Variants in OR5H14 observed in about 807,000 individuals in gnomAD.
OR5H14 encodes the protein olfactory receptor family 5 subfamily H member 14.
For missense variants in OR5H14, 392 were observed against 363.9 expected, an observed-to-expected ratio of 1.08 and a Z score of -0.63; for synonymous variants, 155 against 130.6, an observed-to-expected ratio of 1.19 and a Z score of -1.28.
chr3:98,149,285 A>G (rs1326351632), intron 1 of OR5H14, 83 bp from the exon 2 acceptor site: 3 of 1,401,862 alleles, frequency 2.1e-6, no homozygotes, highest in African/African-American at 1.4e-5. Context: ...ATAATTGCAC[A>G]CTTTATATCA....
In OR5H14 at chr3:98,156,488, T is replaced by C. The variant is rs559069072; in HGVS notation, c.*6170T>C. On this transcript the variant is annotated 3_prime_UTR_variant, in exon 2 of 2. Coordinates refer to ENST00000641380, the MANE Select transcript of OR5H14 (RefSeq NM_001005514.2). ...ATAAGTTTTTAATGATAATTCATTA[T>C]CTTGTTAACCTGACTATAATGATGT... is the stretch of plus-strand genomic sequence containing the variant. 6.6e-6 allele frequency: 1 copy of C among 152,270 alleles called. No individual in the cohort carries two copies. The highest frequency in any genetic ancestry group is 2.1e-4 in the South Asian group (1 of 4,832). 9.4% of individuals were successfully genotyped at this position (152,270 alleles called of 1,614,324 possible). A position where few individuals can be genotyped will look rare whatever the true frequency, so the allele number is the denominator to read the frequency against.
intron 1 of OR5H14, 153 bp from the exon 2 acceptor site, chr3:98,149,215 T>A (rs1304316250): frequency 2.1e-5 from 18 of 839,738 alleles, no homozygotes; most frequent in Non-Finnish European, 3.0e-5. Context: ...ATTTTTTTCA[T>A]TTCTTTAACC....
Position 98,150,275 on chromosome 3 carries a change from T to C in OR5H14, c.890T>C (p.Val297Ala), listed in dbSNP as rs755738928. ...ATCTACAGCCTGAGAAACAAGCAAGTAATAGCTTCATTCACAAAAATGTTC... is the reference window on the plus strand; with the variant it reads ...ATCTACAGCCTGAGAAACAAGCAAGCAATAGCTTCATTCACAAAAATGTTC... ...PMIYSLRNKQ[V>A]IASFTKMFKR... Residue 297 changes from valine to alanine, a missense_variant, in exon 2 of 2, where the codon GTA (valine) becomes GCA (alanine). Transcript: ENST00000641380. 1 of 1,593,434 alleles carries C rather than the reference T, an allele frequency of 6.3e-7. No individual in the cohort carries two copies.
Position 98,150,997 on chromosome 3 carries a change from G to C in OR5H14, c.*679G>C, listed in dbSNP as rs1708499866. The C allele has an allele frequency of 1.3e-5, 2 of 152,092 alleles. No individual in the cohort carries two copies. The highest frequency in any genetic ancestry group is 2.9e-5 in the Non-Finnish European group (2 of 68,026). The allele number at this position is 152,092 out of a possible 1,614,324, so 9.4% of individuals were successfully genotyped here. On this transcript the variant is annotated 3_prime_UTR_variant, in exon 2 of 2. Transcript: ENST00000641380. ...CTAACTTCCTAAGATGGCTTCTAAGGCACTTTCCAGCTGTGATTGTGTTTT... is the reference window on the plus strand; with the variant it reads ...CTAACTTCCTAAGATGGCTTCTAAGCCACTTTCCAGCTGTGATTGTGTTTT...
At position 98,150,963 on chromosome 3, in the gene OR5H14, A is replaced by G. The variant is rs1421161342; in HGVS notation, c.*645A>G. On this transcript the variant is annotated 3_prime_UTR_variant, in exon 2 of 2. Coordinates refer to ENST00000641380, the MANE Select transcript of OR5H14 (RefSeq NM_001005514.2). ...CTCTGTGCTTGTATGAGTAAGAACC[A>G]TGCAGCCTCTAACTTCCTAAGATGG... 1 of 152,150 alleles carries G rather than the reference A, an allele frequency of 6.6e-6. No homozygotes were observed. The highest frequency in any genetic ancestry group is 2.4e-5 in the African/African-American group (1 of 41,444). 9.4% of individuals were successfully genotyped at this position (152,150 alleles called of 1,614,324 possible).
chr3:98,148,870 T>A (rs1297968742), intron 1 of OR5H14, among the ~76,000 whole-genome samples: 1 of 152,052 alleles, frequency 6.6e-6, no homozygotes, highest in Non-Finnish European at 1.5e-5. Context: ...GGAACCTTAG[T>A]AACAAGTTTC....
chr3:98,156,249 C>T lies in OR5H14; in HGVS notation c.*5931C>T, dbSNP rs546671268. On this transcript the variant is annotated 3_prime_UTR_variant, in exon 2 of 2. Transcript: ENST00000641380. Reference sequence around the variant, plus strand: ...AGAAAGCCTAATACTTTTAAAGGATCTCCATAATTTCTTATGATATTAGTA... The same window carrying T: ...AGAAAGCCTAATACTTTTAAAGGATTTCCATAATTTCTTATGATATTAGTA... 2 of 152,230 alleles carry T rather than the reference C, an allele frequency of 1.3e-5. No homozygotes were observed. The highest frequency in any genetic ancestry group is 4.8e-5 in the African/African-American group (2 of 41,548). 9.4% of individuals were successfully genotyped at this position (152,230 alleles called of 1,614,324 possible).
At position 98,149,832 on chromosome 3, in the gene OR5H14, T is replaced by G. The variant is rs1468746628; in HGVS notation, c.447T>G (p.Tyr149Ter). ...GLCIRLLILS[Y>*]VGGLLHALIH... is the part of the protein sequence containing the mutation. The stretch of plus-strand genomic sequence containing the variant: ...GCATCCGGCTATTAATCTTGTCATA[T>G]GTAGGTGGTCTTCTTCATGCTTTAA... Residue 149 changes from tyrosine to a stop codon, truncating the protein, a stop_gained, in exon 2 of 2, where the codon TAT (tyrosine) becomes TAG (stop). Coordinates refer to ENST00000641380, the MANE Select transcript of OR5H14 (RefSeq NM_001005514.2). LOFTEE classifies it low-confidence loss of function (END_TRUNC). 2 of 1,612,980 alleles carry G rather than the reference T, an allele frequency of 1.2e-6. No individual in the cohort carries two copies. Among genetic ancestry groups the G allele is most frequent in the South Asian group, 2.2e-5 (2 of 91,070 alleles).
At chr3:98,148,945 T>TA in intron 1 of OR5H14, among the ~76,000 whole-genome samples, 1 of 151,316 alleles carries the variant, frequency 6.6e-6, no homozygotes, top group Non-Finnish European at 1.5e-5. Flanking sequence ...TCAAAAATTT[T>TA]AAAAAATGTT....
chr3:98,149,644 G>C lies in OR5H14; in HGVS notation c.259G>C (p.Ala87Pro). ...VTLKMLINFL[A>P]KSKMISLSEC... ...TCTGAAGATGCTGATCAACTTCTTAGCTAAGAGTAAGATGATATCTCTCTC... is the reference window on the plus strand; with the variant it reads ...TCTGAAGATGCTGATCAACTTCTTACCTAAGAGTAAGATGATATCTCTCTC... Residue 87 changes from alanine to proline, a missense_variant, in exon 2 of 2, where the codon GCT (alanine) becomes CCT (proline). Ala to Pro is a conservative substitution (Grantham distance 27). Coordinates refer to ENST00000641380, the MANE Select transcript of OR5H14 (RefSeq NM_001005514.2). 1 of 1,613,520 alleles carries C rather than the reference G, an allele frequency of 6.2e-7. No individual in the cohort carries two copies. Among genetic ancestry groups the C allele is most frequent in the Non-Finnish European group, 8.5e-7 (1 of 1,179,592 alleles).
In OR5H14 at chr3:98,151,489, C is replaced by T. The variant is rs1201162618; in HGVS notation, c.*1171C>T. Reference sequence around the variant, plus strand: ...CGAGACCCTTATCCTAAGCATTACTCACATATCGTTTTGCAAACCTCTAGT... The same window carrying T: ...CGAGACCCTTATCCTAAGCATTACTTACATATCGTTTTGCAAACCTCTAGT... On this transcript the variant is annotated 3_prime_UTR_variant, in exon 2 of 2. Transcript: ENST00000641380. 1 of 152,110 alleles carries T rather than the reference C, an allele frequency of 6.6e-6. No individual in the cohort carries two copies. The highest frequency in any genetic ancestry group is 1.5e-5 in the Non-Finnish European group (1 of 68,002). 9.4% of individuals were successfully genotyped at this position (152,110 alleles called of 1,614,324 possible). A position where few individuals can be genotyped will look rare whatever the true frequency, so the allele number is the denominator to read the frequency against.
At position 98,156,272 on chromosome 3, in the gene OR5H14, G is replaced by C. The variant is rs1338592529; in HGVS notation, c.*5954G>C. The C allele has an allele frequency of 6.6e-6, 1 of 152,030 alleles. No individual in the cohort carries two copies. The allele number at this position is 152,030 out of a possible 1,614,324, so 9.4% of individuals were successfully genotyped here. On this transcript the variant is annotated 3_prime_UTR_variant, in exon 2 of 2. Coordinates refer to ENST00000641380, the MANE Select transcript of OR5H14 (RefSeq NM_001005514.2). ...ATCTCCATAATTTCTTATGATATTA[G>C]TAAAAGAGAAATTATTTTATCATAT...
At position 98,149,464 on chromosome 3, in the gene OR5H14, C is replaced by T. The variant is rs757361927; in HGVS notation, c.79C>T (p.Leu27=). The change falls in exon 2 of 2, where the codon CTG becomes TTG. Residue 27 remains leucine (L), a synonymous_variant. Coordinates refer to ENST00000641380, the MANE Select transcript of OR5H14 (RefSeq NM_001005514.2). ...ATATCAACCACAGTGGAAAATACCCCTGTTCCTGGCATTCTTGGTAATATA... is the reference window on the plus strand; with the variant it reads ...ATATCAACCACAGTGGAAAATACCCTTGTTCCTGGCATTCTTGGTAATATA... ...FLYQPQWKIP[L]FLAFLVIYLI... 2.6e-5 allele frequency: 42 copies of T among 1,613,342 alleles called. No individual in the cohort carries two copies.
rs1251340938 is a variant in OR5H14, at chr3:98,155,627, T to C, written c.*5309T>C. 6.6e-6 allele frequency: 1 copy of C among 152,238 alleles called. No individual in the cohort carries two copies. The highest frequency in any genetic ancestry group is 1.5e-5 in the Non-Finnish European group (1 of 68,048). The allele number at this position is 152,238 out of a possible 1,614,324, so 9.4% of individuals were successfully genotyped here. A position where few individuals can be genotyped will look rare whatever the true frequency, so the allele number is the denominator to read the frequency against. ...GATTTCAGCTCACCTGGAAGTTAGA[T>C]ATATGTCTGGAGTTTCAGCTGCAGT... On this transcript the variant is annotated 3_prime_UTR_variant, in exon 2 of 2. Coordinates refer to ENST00000641380, the MANE Select transcript of OR5H14 (RefSeq NM_001005514.2).
intron 1 of OR5H14, among the ~76,000 whole-genome samples, 176 bp downstream of exon 1, chr3:98,147,730 G>C (rs1576103239): frequency 6.6e-6 from 1 of 151,994 alleles, no homozygotes; most frequent in South Asian, 2.1e-4. Context: ...ACTATGGATA[G>C]GGTAAATAGT....
rs1415243487 is a variant in OR5H14, at chr3:98,150,304, AG to A, written c.920del (p.Arg307LysfsTer56). The stretch of plus-strand genomic sequence containing the variant: ...AGCTTCATTCACAAAAATGTTCAAA[AG>A]AAATGATGTTTAGATCATTACTAAT... ...VIASFTKMFK[R>X]NDV On this transcript the variant is annotated frameshift_variant, in exon 2 of 2. Coordinates refer to ENST00000641380, the MANE Select transcript of OR5H14 (RefSeq NM_001005514.2). LOFTEE classifies it high-confidence loss of function. The A allele has an allele frequency of 6.3e-7, 1 of 1,576,908 alleles. No homozygotes were observed. The highest frequency in any genetic ancestry group is 2.2e-5 in the East Asian group (1 of 44,538).
At chr3:98,147,948 T>C (rs1186989182) in intron 1 of OR5H14, 1 of 151,992 alleles carries the variant, frequency 6.6e-6, no homozygotes, top group Non-Finnish European at 1.5e-5. Flanking sequence ...TTAAGATGAG[T>C]CACCTACAGA....
rs1169118320 is a variant in OR5H14, at chr3:98,154,537, A to T, written c.*4219A>T. 6.6e-6 allele frequency: 1 copy of T among 152,244 alleles called. No homozygotes were observed. The highest frequency in any genetic ancestry group is 1.5e-5 in the Non-Finnish European group (1 of 68,040). 9.4% of individuals were successfully genotyped at this position (152,244 alleles called of 1,614,324 possible). On this transcript the variant is annotated 3_prime_UTR_variant, in exon 2 of 2. Coordinates refer to ENST00000641380, the MANE Select transcript of OR5H14 (RefSeq NM_001005514.2). ...TGGTTAAAGAAGGCAGGCCTGGTTC[A>T]TCTGAGGACGTGACTTTATAAGGCA...
chr3:98,147,715 A>C (rs1306793280), intron 1 of OR5H14, among the ~76,000 whole-genome samples, 161 bp downstream of exon 1: 3 of 152,068 alleles, frequency 2.0e-5, no homozygotes, highest in Non-Finnish European at 4.4e-5. Flanking sequence ...CAGTTTTATG[A>C]CTATACTATG....
Sources: allele counts gnomAD v4.1 joint callset (sites outside exome capture counted in the v4.1 genomes callset), GRCh38; gene constraint gnomAD v4.1.1; transcripts MANE v1.5; gene names NCBI Gene and HGNC (gene_info 2026-07-23, HGNC 2026-07-21).